SOX5: variants seen among roughly 807,000 people sequenced by gnomAD.
SOX5 encodes the protein transcription factor SOX-5.
In SOX5, 9 loss-of-function variants were observed where a neutral mutation model predicts 92.0. The observed-to-expected ratio is 0.10, with a 90% CI of 0.06 to 0.17. The LOEUF (loss-of-function observed/expected upper bound fraction) is 0.17, where lower values mean the gene tolerates loss of function less well. SOX5 is among the 10% of genes least tolerant of loss of function. The pLI is 1.00. For synonymous variants in SOX5, 344 were observed against 336.3 expected (o/e 1.02, Z -0.25); for missense variants, 642 against 944.5 (o/e 0.68, Z 4.20).
intron 8 of SOX5, among the ~76,000 whole-genome samples, chr12:23,621,946 A>G (rs2077231366): frequency 1.3e-5 from 2 of 152,118 alleles, no homozygotes; most frequent in Non-Finnish European, 2.9e-5. Flanking sequence ...TCCTGTTTCA[A>G]CTGTCACTCT....
chr12:23,892,475 G>C (rs1260279131), intron 2 of SOX5, among the ~76,000 whole-genome samples: 1 of 152,148 alleles, frequency 6.6e-6, no homozygotes, highest in Non-Finnish European at 1.5e-5. Context: ...CTAAGAAAAG[G>C]TGTTTTGGAC....
chr12:23,609,449 T>C lies in SOX5; in HGVS notation c.1018-4916A>G, dbSNP rs149086923. ...ATAGGAACTTGAATTGCAGTAACAGTTGTGAAATGAAGACGGAAAAAATAA... is the reference window on the plus strand; with the variant it reads ...ATAGGAACTTGAATTGCAGTAACAGCTGTGAAATGAAGACGGAAAAAATAA... On this transcript the variant is annotated intron_variant, in intron 8 of 14. Transcript: ENST00000451604. 6.7e-3 allele frequency among the ~76,000 whole-genome samples: 1,025 copies of C among 152,214 alleles called. 3 individuals are homozygous for C. Among genetic ancestry groups the C allele is most frequent in the Middle Eastern group, 0.027 (8 of 294 alleles).
At chr12:23,826,190 A>C (rs2135480972) in intron 3 of SOX5, among the ~76,000 whole-genome samples, 3 of 134,626 alleles carry the variant, frequency 2.2e-5, no homozygotes, top group Non-Finnish European at 3.2e-5. Flanking sequence ...CTACCCCACA[A>C]CAGGCCCCGG....
intron 3 of SOX5, among the ~76,000 whole-genome samples, chr12:23,788,897 C>T (rs760725503): frequency 5.3e-5 from 8 of 151,924 alleles, no homozygotes; most frequent in Admixed American, 3.3e-4. Context: ...AAAAATTATA[C>T]TGTTTCTGTG....
intron 1 of SOX5, among the ~76,000 whole-genome samples, chr12:23,900,754 T>A (rs2097221540): frequency 6.6e-6 from 1 of 152,002 alleles, no homozygotes. Flanking sequence ...GATGGGTGGA[T>A]CACGAGGTCA....
At chr12:24,096,551 A>T (rs903233463) in intron 4 of SOX5, among the ~76,000 whole-genome samples, 2 of 152,178 alleles carry the variant, frequency 1.3e-5, no homozygotes, top group Non-Finnish European at 2.9e-5. Context: ...GAATTATACA[A>T]TATTTGTACT....
chr12:24,335,348 G>A (rs569602728), intron 2 of SOX5, among the ~76,000 whole-genome samples: 63 of 152,116 alleles, frequency 4.1e-4, no homozygotes, highest in Non-Finnish European at 6.5e-4. Flanking sequence ...AGAGGGCATT[G>A]CCTTTCATTT....
chr12:23,710,948 T>TG (rs2091992942), intron 6 of SOX5, among the ~76,000 whole-genome samples: 1 of 152,224 alleles, frequency 6.6e-6, no homozygotes, highest in Non-Finnish European at 1.5e-5. Context: ...TGGTGTGAGA[T>TG]GGTATCTAAT....
chr12:23,791,425 CG>C (rs1436767186), intron 3 of SOX5, among the ~76,000 whole-genome samples: 1 of 152,276 alleles, frequency 6.6e-6, no homozygotes, highest in East Asian at 1.9e-4. Flanking sequence ...CCTCAGCACC[CG>C]GAGTAGCTGC....
intron 4 of SOX5, among the ~76,000 whole-genome samples, chr12:23,976,374 A>G (rs1270502075): frequency 7.8e-6 from 1 of 128,056 alleles, no homozygotes; most frequent in Non-Finnish European, 1.6e-5. Context: ...ACACATTTCT[A>G]AGAGGTGAAC....
At chr12:23,588,112 G>T (rs1288625299) in intron 9 of SOX5, among the ~76,000 whole-genome samples, 1 of 151,958 alleles carries the variant, frequency 6.6e-6, no homozygotes. Flanking sequence ...GTCAGTTAAG[G>T]CCAGTTTTTA....
At chr12:23,673,252 A>C (rs374198194) in intron 6 of SOX5, among the ~76,000 whole-genome samples, 1 of 152,158 alleles carries the variant, frequency 6.6e-6, no homozygotes, top group East Asian at 1.9e-4. Context: ...TCTAATATAT[A>C]GCTATTTCTT....
intron 1 of SOX5, among the ~76,000 whole-genome samples, chr12:23,933,785 T>C (rs988839089): frequency 2.6e-5 from 4 of 151,688 alleles, no homozygotes; most frequent in East Asian, 1.9e-4. Flanking sequence ...TTTGTCTCTG[T>C]ATACTCTTAA....
chr12:23,545,970 G>T (rs556128067), intron 12 of SOX5, among the ~76,000 whole-genome samples: 2 of 152,168 alleles, frequency 1.3e-5, no homozygotes, highest in East Asian at 3.9e-4. Context: ...AGCCTGGGAA[G>T]CTAAGCATTT....
intron 3 of SOX5, among the ~76,000 whole-genome samples, chr12:23,757,277 G>A (rs2094420543): frequency 6.6e-6 from 1 of 151,834 alleles, no homozygotes; most frequent in African/African-American, 2.4e-5. Flanking sequence ...AAAATACATA[G>A]CTCTATTTTT....
chr12:24,146,991 C>A (rs547211058), intron 4 of SOX5, among the ~76,000 whole-genome samples: 144 of 152,102 alleles, frequency 9.5e-4, no homozygotes, highest in Non-Finnish European at 1.7e-3. Context: ...TAGTAAAAAA[C>A]CTTTCCACAA....
chr12:23,970,959 G>A (rs1948255755), intron 4 of SOX5, among the ~76,000 whole-genome samples: 1 of 145,558 alleles, frequency 6.9e-6, no homozygotes, highest in Non-Finnish European at 1.5e-5. Flanking sequence ...GGCTCACAAT[G>A]GTAATAGTAT....
intron 3 of SOX5, among the ~76,000 whole-genome samples, chr12:23,822,020 T>A (rs572894441): frequency 6.6e-6 from 1 of 152,134 alleles, no homozygotes; most frequent in South Asian, 2.1e-4. Context: ...TTCTCTCTTT[T>A]CTTATTAGTC....
At chr12:24,491,715 G>T (rs1449459394) in intron 1 of SOX5, among the ~76,000 whole-genome samples, 25 of 152,132 alleles carry the variant, frequency 1.6e-4, no homozygotes, top group Admixed American at 1.6e-3. Context: ...TGAAATCCAA[G>T]ACTATCTACT....
Sources: gnomAD v4.1 joint callset for allele counts (sites outside exome capture counted in the v4.1 genomes callset) on GRCh38, gnomAD v4.1.1 for gene constraint, MANE v1.5 for transcripts, NCBI Gene and HGNC (gene_info 2026-07-23, HGNC 2026-07-21) for gene names.